Variants in RSBN1L observed in about 807,000 individuals in gnomAD.
The protein encoded by RSBN1L is lysine-specific demethylase RSBN1L.
RSBN1L carries 30 observed loss-of-function variants against 67.7 expected under a neutral mutation model. The observed-to-expected ratio is 0.44, with a 90% CI of 0.33 to 0.60. The LOEUF is 0.60. Ranked by LOEUF, RSBN1L falls within the 20% of genes least tolerant of loss-of-function variation. The pLI is 0.02. For missense variants in RSBN1L, 992 were observed against 1,031.7 expected, an observed-to-expected ratio of 0.96 and a Z score of 0.53; for synonymous variants, 433 against 387.0, an observed-to-expected ratio of 1.12 and a Z score of -1.39.
chr7:77,759,966 A>G (rs1055802413), intron 3 of RSBN1L, among the ~76,000 whole-genome samples: 13 of 152,198 alleles, frequency 8.5e-5, no homozygotes, highest in Admixed American at 3.9e-4. Context: ...TTCAGGGAAC[A>G]TGTTTTGGGA....
Position 77,749,905 on chromosome 7 carries a change from T to G in RSBN1L, c.1185T>G (p.Ser395=), listed in dbSNP as rs777226789. Residue 395 remains serine (S), a synonymous_variant, in exon 3 of 8, where the codon TCT becomes TCG. Coordinates refer to ENST00000334955, the MANE Select transcript of RSBN1L (RefSeq NM_198467.3). ...VGLVFSENEN[S]AAFYVMGIVH... is the part of the protein sequence containing the mutation. ...TAGTGTTCAGTGAAAATGAAAACTCTGCAGCTTTCTACGTGATGGGTATTG... is the reference window on the plus strand; with the variant it reads ...TAGTGTTCAGTGAAAATGAAAACTCGGCAGCTTTCTACGTGATGGGTATTG... 6.2e-7 allele frequency: 1 copy of G among 1,614,210 alleles called. No individual in the cohort carries two copies. Among genetic ancestry groups the G allele is most frequent in the Non-Finnish European group, 8.5e-7 (1 of 1,180,030 alleles).
chr7:77,765,381 T>A, intron 3 of RSBN1L, 114 bp from the exon 4 acceptor site: 1 of 846,848 alleles, frequency 1.2e-6, no homozygotes, highest in African/African-American at 1.7e-5. Context: ...GAGATAATAA[T>A]TTATTGCTAC....
chr7:77,779,035 A>T lies in RSBN1L; in HGVS notation c.2408A>T (p.Asp803Val). The change falls in exon 8 of 8, where the codon GAT becomes GTT. Residue 803 changes from aspartate (D) to valine (V), a missense_variant. This residue lies in a region of RSBN1L where 199 missense variants were observed against 167.7 expected (regional missense o/e 1.19). Coordinates refer to ENST00000334955, the MANE Select transcript of RSBN1L (RefSeq NM_198467.3). Reference protein sequence around the residue: ...VQFAEFKIDMDSKFENSNKDL... With the variant: ...VQFAEFKIDMVSKFENSNKDL... ...TTTGCAGAATTTAAGATTGACATGG[A>T]TTCTAAATTTGAAAATAGCAACAAA... The T allele has an allele frequency of 6.2e-7, 1 of 1,614,050 alleles. No individual in the cohort carries two copies. The highest frequency in any genetic ancestry group is 8.5e-7 in the Non-Finnish European group (1 of 1,179,960).
chr7:77,701,862 G>A (rs10235275), intron 1 of RSBN1L, among the ~76,000 whole-genome samples: 66,923 of 151,672 alleles, frequency 0.44, 15,387 homozygotes, highest in African/African-American at 0.57. Context: ...CATGTTGGCC[G>A]GGATGGTCTG....
At chr7:77,747,963 C>G (rs774337172) in intron 2 of RSBN1L, among the ~76,000 whole-genome samples, 4 of 151,596 alleles carry the variant, frequency 2.6e-5, no homozygotes, top group Non-Finnish European at 5.9e-5. Flanking sequence ...GAAAAGAGTT[C>G]ATTTGTAAAT....
Position 77,779,234 on chromosome 7 carries a change from G to A in RSBN1L, c.*66G>A, listed in dbSNP as rs1049724333. On this transcript the variant is annotated 3_prime_UTR_variant, in exon 8 of 8. Coordinates refer to ENST00000334955, the MANE Select transcript of RSBN1L (RefSeq NM_198467.3). ...AATGTAATAAAGATTCATGAATTCTGAAAGCAAGCCAAGGACTTGCTCCTA... is the reference window on the plus strand; with the variant it reads ...AATGTAATAAAGATTCATGAATTCTAAAAGCAAGCCAAGGACTTGCTCCTA... The A allele has an allele frequency of 2.5e-6, 3 of 1,176,768 alleles. No individual in the cohort carries two copies. The highest frequency in any genetic ancestry group is 3.6e-6 in the Non-Finnish European group (3 of 843,428). The allele number at this position is 1,176,768 out of a possible 1,614,324, so 72.9% of individuals were successfully genotyped here.
At chr7:77,743,551 C>T (rs1584292074) in intron 2 of RSBN1L, among the ~76,000 whole-genome samples, 1 of 137,456 alleles carries the variant, frequency 7.3e-6, no homozygotes, top group Non-Finnish European at 1.6e-5. Flanking sequence ...TTTGGTTTAT[C>T]TTCATGCCTA....
chr7:77,767,985 G>T (rs1180557335), intron 4 of RSBN1L, among the ~76,000 whole-genome samples: 1 of 149,890 alleles, frequency 6.7e-6, no homozygotes, highest in Non-Finnish European at 1.5e-5. Flanking sequence ...TGAGTAGCTG[G>T]GACTACAGGT....
intron 1 of RSBN1L, among the ~76,000 whole-genome samples, chr7:77,730,176 A>G (rs1406689156): frequency 1.3e-5 from 2 of 152,084 alleles, no homozygotes; most frequent in Non-Finnish European, 2.9e-5. Flanking sequence ...ACTGTATCAT[A>G]GGTCTGTTTG....
intron 5 of RSBN1L, 121 bp downstream of exon 5, chr7:77,768,924 T>TA: frequency 1.3e-6 from 1 of 792,816 alleles, no homozygotes; most frequent in South Asian, 2.0e-5. Flanking sequence ...AATATAAATT[T>TA]AAAAATAGCG....
intron 1 of RSBN1L, among the ~76,000 whole-genome samples, chr7:77,728,783 A>G (rs138130845): frequency 6.4e-4 from 97 of 152,236 alleles, no homozygotes; most frequent in African/African-American, 1.9e-3. Context: ...GGATTTTTCT[A>G]TGGGGTGCCT....
At chr7:77,722,972 T>TTC (rs1369605302) in intron 1 of RSBN1L, among the ~76,000 whole-genome samples, 4 of 150,222 alleles carry the variant, frequency 2.7e-5, no homozygotes, top group Non-Finnish European at 5.9e-5. Flanking sequence ...TCTCTTCTTT[T>TTC]TTTTTTTTTT....
At position 77,739,734 on chromosome 7, in the gene RSBN1L, T is replaced by A. The variant is rs866142426; in HGVS notation, c.703+3208T>A. 3.7e-3 allele frequency among the ~76,000 whole-genome samples: 272 copies of A among 72,842 alleles called. 12 individuals are homozygous for A. The highest frequency in any genetic ancestry group is 0.013 in the African/African-American group (222 of 17,594). 47.8% of individuals were successfully genotyped at this position (72,842 alleles called of 152,430 possible). On this transcript the variant is annotated intron_variant, in intron 2 of 7. Coordinates refer to ENST00000334955, the MANE Select transcript of RSBN1L (RefSeq NM_198467.3). ...AGGAAAAAAAAAAAAAAAAAAAAAA[T>A]GTGTCTTTTTTTTTTTTTTTTTTTT... is the stretch of plus-strand genomic sequence containing the variant.
intron 1 of RSBN1L, among the ~76,000 whole-genome samples, chr7:77,705,564 T>A (rs1790880849): frequency 7.4e-6 from 1 of 135,994 alleles, no homozygotes; most frequent in African/African-American, 2.9e-5. Context: ...CAGGCTGGAG[T>A]GCAGTGGCTC....
At chr7:77,701,993 C>T (rs967284148) in intron 1 of RSBN1L, among the ~76,000 whole-genome samples, 3 of 150,168 alleles carry the variant, frequency 2.0e-5, no homozygotes, top group Non-Finnish European at 4.4e-5. Context: ...TTTTTTGAGA[C>T]GGTCTTGTAC....
At chr7:77,770,077 G>A (rs945932250) in intron 5 of RSBN1L, among the ~76,000 whole-genome samples, 19 of 152,264 alleles carry the variant, frequency 1.2e-4, no homozygotes, top group African/African-American at 4.3e-4. Context: ...CATTCTTATT[G>A]AAGAGTATAG....
At chr7:77,773,082 T>A (rs76065544) in intron 5 of RSBN1L, 65 bp from the exon 6 acceptor site, 5 of 831,734 alleles carry the variant, frequency 6.0e-6, no homozygotes, top group Non-Finnish European at 9.0e-6. Flanking sequence ...ATTATGTGAT[T>A]ATTGAATGTT....
intron 5 of RSBN1L, 97 bp downstream of exon 5, chr7:77,768,900 T>C (rs1584303759): frequency 1.0e-6 from 1 of 995,566 alleles, no homozygotes; most frequent in Non-Finnish European, 1.5e-6. Context: ...ATGCAAAGTT[T>C]AGAGCATAAT....
At position 77,696,493 on chromosome 7, in the gene RSBN1L, G is replaced by T; in HGVS notation, c.24G>T (p.Val8=). The T allele has an allele frequency of 1.2e-6, 2 of 1,613,184 alleles. No homozygotes were observed. The highest frequency in any genetic ancestry group is 1.1e-5 in the South Asian group (1 of 91,058). Residue 8 remains valine, a synonymous_variant, in exon 1 of 8, where the codon GTG becomes GTT. Coordinates refer to ENST00000334955, the MANE Select transcript of RSBN1L (RefSeq NM_198467.3). Reference sequence around the variant, plus strand: ...AAATGGCGGAACCGCCGAGCCCCGTGCACTGTGTCGCTGCCGCGGCCCCCA... The same window carrying T: ...AAATGGCGGAACCGCCGAGCCCCGTTCACTGTGTCGCTGCCGCGGCCCCCA... The part of the protein sequence containing the change: MAEPPSP[V]HCVAAAAPTA...
Sources: allele counts gnomAD v4.1 joint callset (sites outside exome capture counted in the v4.1 genomes callset), GRCh38; gene constraint gnomAD v4.1.1; regional missense constraint gnomAD v4.1.1; transcripts MANE v1.5; gene names NCBI Gene and HGNC (gene_info 2026-07-23, HGNC 2026-07-21).